The following RUNX3 variants were observed in gnomAD, a reference collection of about 807,000 sequenced individuals.
The protein encoded by RUNX3 is RUNX family transcription factor 3, also known as runt-related transcription factor 3.
In RUNX3, 10 loss-of-function variants were observed where a neutral mutation model predicts 27.7. The ratio of observed to expected loss-of-function variants is 0.36; its 90% CI spans 0.22 to 0.61. RUNX3 has a LOEUF of 0.61. RUNX3 is among the 20% of genes least tolerant of loss of function. The pLI, the probability that RUNX3 is intolerant of heterozygous loss-of-function variation, is 0.72. For missense variants in RUNX3, 469 were observed against 629.5 expected, an observed-to-expected ratio of 0.75 and a Z score of 2.73; for synonymous variants, 270 against 269.2, an observed-to-expected ratio of 1.00 and a Z score of -0.03.
chr1:24,912,699 T>C (rs1462992599), intron 3 of RUNX3, among the ~76,000 whole-genome samples: 2 of 151,580 alleles, frequency 1.3e-5, no homozygotes, highest in Admixed American at 6.6e-5. Flanking sequence ...CATCCTATCA[T>C]ATGGGTGAAA....
At chr1:24,917,404 G>A (rs925673439) in intron 3 of RUNX3, among the ~76,000 whole-genome samples, 1 of 152,220 alleles carries the variant, frequency 6.6e-6, no homozygotes, top group African/African-American at 2.4e-5. Flanking sequence ...AGTGCAGGAA[G>A]GGGGCTGGGT....
chr1:24,922,076 G>A (rs181407132), intron 2 of RUNX3, among the ~76,000 whole-genome samples: 11 of 152,132 alleles, frequency 7.2e-5, no homozygotes, highest in African/African-American at 1.9e-4. Flanking sequence ...TCAGCCTCCT[G>A]AGTAGCTGGG....
rs147129479 is a variant in RUNX3 at position 24,952,224 on chromosome 1, C to T, written c.58+12290G>A. Among the ~76,000 whole-genome samples the T allele has an allele frequency of 8.7e-4, 132 of 152,248 alleles. 1 individual carries two copies. The highest frequency in any genetic ancestry group is 1.6e-3 in the African/African-American group (68 of 41,540). Reference sequence around the variant, plus strand: ...TAGGTCCTTGAGAAGATAATTTCCCCGCCCCCACAGTGCTTATAGCCCATG... The same window carrying T: ...TAGGTCCTTGAGAAGATAATTTCCCTGCCCCCACAGTGCTTATAGCCCATG... On this transcript the variant is annotated intron_variant, in intron 2 of 6. Coordinates refer to the RUNX3 transcript ENST00000338888.
chr1:24,958,331 G>A (rs1642002227), intron 2 of RUNX3, among the ~76,000 whole-genome samples: 1 of 152,240 alleles, frequency 6.6e-6, no homozygotes, highest in African/African-American at 2.4e-5. Flanking sequence ...CCTAAACTGT[G>A]TGCAAGGCGG....
intron 2 of RUNX3, among the ~76,000 whole-genome samples, chr1:24,950,930 G>C (rs144758990): frequency 1.3e-5 from 2 of 152,112 alleles, no homozygotes; most frequent in Non-Finnish European, 2.9e-5. Flanking sequence ...AGCATAGGCC[G>C]GGCGTGGTGG....
chr1:24,947,069 G>T (rs557861482), intron 2 of RUNX3, among the ~76,000 whole-genome samples: 4 of 152,056 alleles, frequency 2.6e-5, no homozygotes, highest in Non-Finnish European at 2.9e-5. Context: ...AGCTCACCAC[G>T]TGCCAGACCC....
chr1:24,906,088 T>C (rs1640659582), intron 4 of RUNX3, among the ~76,000 whole-genome samples: 1 of 152,184 alleles, frequency 6.6e-6, no homozygotes, highest in Non-Finnish European at 1.5e-5. Flanking sequence ...ATCCAGCCCC[T>C]GGCTGCAGCA....
At chr1:24,925,096 G>A (rs1168587529) in intron 2 of RUNX3, among the ~76,000 whole-genome samples, 1 of 152,134 alleles carries the variant, frequency 6.6e-6, no homozygotes, top group Non-Finnish European at 1.5e-5. Context: ...AAGGGTTCTG[G>A]GTCCCAACCC....
At chr1:24,917,493 G>A (rs1180027157) in intron 3 of RUNX3, among the ~76,000 whole-genome samples, 2 of 151,952 alleles carry the variant, frequency 1.3e-5, no homozygotes, top group African/African-American at 2.4e-5. Flanking sequence ...TCCACATGTC[G>A]CCCCTGATCT....
At chr1:24,964,911 A>G (rs1480852210) in exon 1 of RUNX3, 1 of 369,404 alleles carries the variant, frequency 2.7e-6, no homozygotes. Context: ...AGAGTGTATC[A>G]TTAGATGGCG....
rs890881966 is a variant in RUNX3, at chr1:24,904,018, C to T, written c.704-1352G>A. On this transcript the variant is annotated intron_variant, in intron 4 of 4. Coordinates refer to ENST00000308873, the MANE Select transcript of RUNX3 (RefSeq NM_004350.3). This position sits in a 1 kb window ranked among gnomAD's most constrained non-coding sequence, Gnocchi z 5.7. The stretch of plus-strand genomic sequence containing the variant: ...GCTGTGGTGTCTCTTACTCTGGGTA[C>T]CCAGGAGAACTGGCTCATTCAGGGC... Among the ~76,000 whole-genome samples, 3 of 152,126 alleles carry T rather than the reference C, an allele frequency of 2.0e-5. No individual in the cohort carries two copies. The highest frequency in any genetic ancestry group is 7.2e-5 in the African/African-American group (3 of 41,402).
chr1:24,912,637 C>A (rs1177095706), intron 3 of RUNX3, among the ~76,000 whole-genome samples: 1 of 152,012 alleles, frequency 6.6e-6, no homozygotes, highest in Non-Finnish European at 1.5e-5. Flanking sequence ...AAGCAGCTGA[C>A]AAGCACCATC....
chr1:24,949,992 G>T (rs1449197195), intron 2 of RUNX3, among the ~76,000 whole-genome samples: 1 of 152,220 alleles, frequency 6.6e-6, no homozygotes, highest in African/African-American at 2.4e-5. Context: ...AGGAGCCGTT[G>T]CTCCCTCCTC....
intron 2 of RUNX3, chr1:24,961,967 G>GT (rs1280287020): frequency 6.6e-6 from 1 of 152,176 alleles, no homozygotes; most frequent in Non-Finnish European, 1.5e-5. Flanking sequence ...TGGACCTGGA[G>GT]TTTTTGTCTT....
At chr1:24,917,511 C>T (rs934000346) in intron 3 of RUNX3, among the ~76,000 whole-genome samples, 2 of 152,128 alleles carry the variant, frequency 1.3e-5, no homozygotes, top group African/African-American at 2.4e-5. Flanking sequence ...TCTCCAGGTC[C>T]GCAGGGTGGG....
At position 24,923,489 on chromosome 1, in the gene RUNX3, G is replaced by C; in HGVS notation, c.439+4085C>G. ...AGGAGCCCAGGAAGTGTAAACCCAG[G>C]CTCTCTGAGGGCTGGCCCTGGTTGC... On this transcript the variant is annotated intron_variant, in intron 2 of 4. Transcript: ENST00000308873. This position sits in a 1 kb window ranked among gnomAD's most constrained non-coding sequence, Gnocchi z 5.9. 6.6e-6 allele frequency among the ~76,000 whole-genome samples: 1 copy of C among 152,184 alleles called. No individual in the cohort carries two copies. The highest frequency in any genetic ancestry group is 1.5e-5 in the Non-Finnish European group (1 of 68,040).
intron 2 of RUNX3, chr1:24,963,197 C>T (rs1453272218): frequency 6.6e-6 from 1 of 152,592 alleles, no homozygotes; most frequent in Non-Finnish European, 1.5e-5. Flanking sequence ...TTGGCCTCAC[C>T]AGGGAAGAAG....
intron 2 of RUNX3, among the ~76,000 whole-genome samples, chr1:24,956,456 C>T (rs1403204404): frequency 1.3e-5 from 2 of 152,222 alleles, no homozygotes; most frequent in Non-Finnish European, 2.9e-5. Flanking sequence ...TGGCTTTGCT[C>T]TCAGAGGTGG....
intron 3 of RUNX3, among the ~76,000 whole-genome samples, chr1:24,908,490 TAAAAAA>T (rs1287787811): frequency 7.1e-6 from 1 of 139,914 alleles, no homozygotes; most frequent in Non-Finnish European, 1.6e-5. Context: ...GTACAAAAAT[TAAAAAA>T]AAAAAAGAAA....
Sources: gnomAD v4.1 joint callset for allele counts (sites outside exome capture counted in the v4.1 genomes callset) on GRCh38, gnomAD v4.1.1 for gene constraint, Gnocchi (gnomAD v3.1) non-coding constraint, MANE v1.5 for transcripts, NCBI Gene and HGNC (gene_info 2026-07-23, HGNC 2026-07-21) for gene names.